The following MS4A4E variants were observed in gnomAD, a reference collection of about 807,000 sequenced individuals.
The protein encoded by MS4A4E is putative membrane-spanning 4-domains subfamily A member 4E.
A neutral mutation model predicts 13.3 loss-of-function variants in MS4A4E; 23 were observed. The observed-to-expected ratio is 1.73, with a 90% CI of 1.25 to 2.45. MS4A4E has a LOEUF of 2.45. Ranked by LOEUF, MS4A4E falls within the 30% of genes most tolerant of loss-of-function variation. The pLI is 0.00. For missense variants in MS4A4E, 144 were observed against 131.2 expected (o/e 1.10, Z -0.48); for synonymous variants, 36 against 45.6 (o/e 0.79, Z 0.85).
chr11:60,228,551 A>C (rs2084370424), intron 3 of MS4A4E, 43 bp downstream of exon 3: 1 of 641,404 alleles, frequency 1.6e-6, no homozygotes, highest in Non-Finnish European at 2.8e-6. Context: ...TTTCTTACAA[A>C]ACTAAACATA....
chr11:60,235,259 ATT>A (rs1156246696), intron 1 of MS4A4E, among the ~76,000 whole-genome samples: 1 of 152,138 alleles, frequency 6.6e-6, no homozygotes, highest in Admixed American at 6.5e-5. Context: ...CACCCAGCTA[ATT>A]TTTGTGCTTT....
At chr11:60,228,522 A>G in intron 3 of MS4A4E, 72 bp downstream of exon 3, 3 of 630,004 alleles carry the variant, frequency 4.8e-6, no homozygotes, top group South Asian at 2.0e-5. Context: ...GCAAAGTAAC[A>G]GGGAAGACAG....
At position 60,223,689 on chromosome 11, in the gene MS4A4E, A is replaced by C. The variant is rs186070502; in HGVS notation, c.178+4905T>G. On this transcript the variant is annotated intron_variant, in intron 3 of 8. Coordinates refer to ENST00000651255, the MANE Select transcript of MS4A4E (RefSeq NM_001393391.1). Reference sequence around the variant, plus strand: ...CAGTGTGGCCAGAATAAAAGTAGGCAGAAGAACATAGAAACACTAGACTGG... The same window carrying C: ...CAGTGTGGCCAGAATAAAAGTAGGCCGAAGAACATAGAAACACTAGACTGG... Among the ~76,000 whole-genome samples, 594 of 152,314 alleles carry C rather than the reference A, an allele frequency of 3.9e-3. 4 individuals are homozygous for C. Among genetic ancestry groups the C allele is most frequent in the African/African-American group, 9.6e-3 (401 of 41,570 alleles).
rs2084569716 is a variant in MS4A4E, at chr11:60,242,999, G to A, written c.-58C>T. The A allele has an allele frequency of 2.6e-6, 4 of 1,566,628 alleles. No homozygotes were observed. The highest frequency in any genetic ancestry group is 3.5e-6 in the Non-Finnish European group (4 of 1,147,934). Reference sequence around the variant, plus strand: ...AATGTCTGCTGCAGGTCTGATGAGTGCAGGGCTCTGGGCAAGTTCCTCAAA... The same window carrying A: ...AATGTCTGCTGCAGGTCTGATGAGTACAGGGCTCTGGGCAAGTTCCTCAAA... On this transcript the variant is annotated 5_prime_UTR_variant, in exon 1 of 9. Coordinates refer to ENST00000651255, the MANE Select transcript of MS4A4E (RefSeq NM_001393391.1).
chr11:60,203,695 G>A (rs184562400), intron 8 of MS4A4E, among the ~76,000 whole-genome samples: 2 of 152,274 alleles, frequency 1.3e-5, no homozygotes, highest in Admixed American at 1.3e-4. Context: ...GTTGCATTGA[G>A]CCAAGATCAT....
rs536043099 is a variant in MS4A4E, at chr11:60,201,021, A to AC, written c.*521dup. Among the ~76,000 whole-genome samples the AC allele has an allele frequency of 4.1e-4, 49 of 119,060 alleles. No homozygotes were observed. The highest frequency in any genetic ancestry group is 6.0e-4 in the Non-Finnish European group (35 of 58,760). 78.1% of individuals were successfully genotyped at this position (119,060 alleles called of 152,430 possible). A position where few individuals can be genotyped will look rare whatever the true frequency, so the allele number is the denominator to read the frequency against. ...GGGCGGCTGGCCGGGCAGAGGGCTG[A>AC]CCCCCCCACCTCCCTCCCAGACGTG... is the stretch of plus-strand genomic sequence containing the variant. On this transcript the variant is annotated 3_prime_UTR_variant, in exon 9 of 9. Coordinates refer to ENST00000651255, the MANE Select transcript of MS4A4E (RefSeq NM_001393391.1).
chr11:60,206,475 A>ATATATATATG (rs2084044116), intron 6 of MS4A4E, among the ~76,000 whole-genome samples: 1 of 6,220 alleles, frequency 1.6e-4, no homozygotes, highest in African/African-American at 2.9e-4. Context: ...ACACACACAC[A>ATATATATATG]TATATATATA....
chr11:60,235,664 C>G (rs1426013649), intron 1 of MS4A4E, among the ~76,000 whole-genome samples: 1 of 152,200 alleles, frequency 6.6e-6, no homozygotes, highest in Non-Finnish European at 1.5e-5. Context: ...CCTTCCGGGA[C>G]AAGTTGGTAA....
chr11:60,213,408 A>T lies in MS4A4E; in HGVS notation c.223-276T>A, dbSNP rs545544699. On this transcript the variant is annotated intron_variant, in intron 4 of 8. Coordinates refer to ENST00000651255, the MANE Select transcript of MS4A4E (RefSeq NM_001393391.1). The stretch of plus-strand genomic sequence containing the variant: ...TTTTTTACACATTAGCTGGACAGTC[A>T]TGTCTGTGTCCTTCCCTGCCATTCC... The T allele has an allele frequency of 1.3e-4, 134 of 1,051,512 alleles. No individual in the cohort carries two copies. In the South Asian group the frequency reaches 2.0e-3, roughly 16 times the overall value. The allele number at this position is 1,051,512 out of a possible 1,614,324, so 65.1% of individuals were successfully genotyped here. A position where few individuals can be genotyped will look rare whatever the true frequency, so the allele number is the denominator to read the frequency against.
chr11:60,234,055 T>C (rs1463760897), intron 1 of MS4A4E, among the ~76,000 whole-genome samples: 1 of 152,228 alleles, frequency 6.6e-6, no homozygotes, highest in Non-Finnish European at 1.5e-5. Context: ...AAACCAGTTA[T>C]GCCTTTTTCT....
chr11:60,207,114 A>C (rs2084057724), intron 6 of MS4A4E, among the ~76,000 whole-genome samples: 1 of 152,218 alleles, frequency 6.6e-6, no homozygotes, highest in African/African-American at 2.4e-5. Flanking sequence ...TGCTGGTTAC[A>C]AATAAAGCAT....
rs894333933 is a variant in MS4A4E at position 60,201,579 on chromosome 11, C to A, written c.960G>T (p.Glu320Asp). Residue 320 changes from glutamate (E) to aspartate (D), a missense_variant, in exon 9 of 9, where the codon GAG becomes GAT. Around this residue, in one of 3 missense-constraint regions of MS4A4E, gnomAD observed 21 missense variants for 25.1 expected, o/e 0.84. Coordinates refer to ENST00000651255, the MANE Select transcript of MS4A4E (RefSeq NM_001393391.1). ...GCGGCCGGGCGGAGACACTCCTCAC[C>A]TCCCAGATGGGATGGTGGCCGGGAA... ...APLPGHHPIW[E>D]VRSVSARPPI... 3.1e-6 allele frequency: 1 copy of A among 322,532 alleles called. No individual in the cohort carries two copies. Among genetic ancestry groups the A allele is most frequent in the African/African-American group, 2.3e-5 (1 of 43,446 alleles). The allele number at this position is 322,532 out of a possible 1,614,324, so 20.0% of individuals were successfully genotyped here.
At chr11:60,225,075 C>T in intron 3 of MS4A4E, 1 of 1,556,312 alleles carries the variant, frequency 6.4e-7, no homozygotes, top group South Asian at 1.2e-5. Context: ...CTCATCAAGG[C>T]AATCAGAATC....
At chr11:60,224,231 A>T (rs564394097) in intron 3 of MS4A4E, among the ~76,000 whole-genome samples, 1 of 152,350 alleles carries the variant, frequency 6.6e-6, no homozygotes, top group South Asian at 2.1e-4. Context: ...TTAAACTTAA[A>T]TTCCAATTCT....
chr11:60,211,814 G>A (rs1484152463), intron 5 of MS4A4E, among the ~76,000 whole-genome samples: 2 of 152,204 alleles, frequency 1.3e-5, no homozygotes, highest in African/African-American at 4.8e-5. Context: ...TTGGGATGCT[G>A]AGGCAGGAGA....
intron 1 of MS4A4E, among the ~76,000 whole-genome samples, chr11:60,240,676 C>G (rs930410673): frequency 8.5e-5 from 13 of 152,142 alleles, no homozygotes; most frequent in African/African-American, 3.1e-4. Context: ...AAAGTAATTT[C>G]ATTCCTATAT....
rs2084390044 is a variant in MS4A4E at position 60,230,087 on chromosome 11, T to C, written c.-16-16A>G. Reference sequence around the variant, plus strand: ...AGAAAAGGTGCTACAATAAGAAATGTAATTTAGGATGAGGTCCTGGAAATG... The same window carrying C: ...AGAAAAGGTGCTACAATAAGAAATGCAATTTAGGATGAGGTCCTGGAAATG... On this transcript the variant is annotated splice_polypyrimidine_tract_variant and intron_variant, in intron 1 of 8. Coordinates refer to ENST00000651255, the MANE Select transcript of MS4A4E (RefSeq NM_001393391.1). 6.4e-7 allele frequency: 1 copy of C among 1,563,650 alleles called. No homozygotes were observed.
At chr11:60,233,659 T>G (rs991353965) in intron 1 of MS4A4E, among the ~76,000 whole-genome samples, 11 of 152,140 alleles carry the variant, frequency 7.2e-5, no homozygotes, top group Admixed American at 3.3e-4. Context: ...CTGCAAGAGA[T>G]GTAGGGGCAT....
chr11:60,206,874 G>C (rs892702201), intron 6 of MS4A4E: 18 of 166,850 alleles, frequency 1.1e-4, no homozygotes, highest in African/African-American at 4.3e-4. Flanking sequence ...GTCATGTGGG[G>C]ATTCTCAGTC....
Sources: gnomAD v4.1 joint callset for allele counts (sites outside exome capture counted in the v4.1 genomes callset) on GRCh38, gnomAD v4.1.1 for gene constraint, gnomAD v4.1.1 regional missense constraint, MANE v1.5 for transcripts, NCBI Gene and HGNC (gene_info 2026-07-23, HGNC 2026-07-21) for gene names.